The following BAZ1A variants were observed in gnomAD, a reference collection of about 807,000 sequenced individuals.
BAZ1A encodes the protein bromodomain adjacent to zinc finger domain 1A, also known as bromodomain adjacent to zinc finger domain protein 1A.
BAZ1A carries 50 observed loss-of-function variants against 185.2 expected under a neutral mutation model. The observed-to-expected ratio is 0.27, with a 90% CI of 0.22 to 0.34. The LOEUF is 0.34. Among genes scored for constraint, BAZ1A ranks in the 10% least tolerant of loss-of-function variants. The pLI is 1.00. For synonymous variants in BAZ1A, 571 were observed against 615.6 expected (o/e 0.93, Z 1.07); for missense variants, 1,356 against 1,839.9 (o/e 0.74, Z 4.81).
At chr14:34,758,141 G>A (rs914739044) in intron 25 of BAZ1A, among the ~76,000 whole-genome samples, 10 of 150,788 alleles carry the variant, frequency 6.6e-5, no homozygotes, top group Non-Finnish European at 1.3e-4. Context: ...AAAACAGCTG[G>A]ACCTGGTGGC....
chr14:34,787,467 T>C (rs1452851566), intron 12 of BAZ1A, among the ~76,000 whole-genome samples: 1 of 151,180 alleles, frequency 6.6e-6, no homozygotes, highest in Non-Finnish European at 1.5e-5. Flanking sequence ...GGCAGATCAC[T>C]TGAGGTCAGA....
intron 3 of BAZ1A, among the ~76,000 whole-genome samples, chr14:34,853,304 A>C (rs1165992341): frequency 6.6e-6 from 1 of 152,222 alleles, no homozygotes; most frequent in Non-Finnish European, 1.5e-5. Flanking sequence ...TTGAACAACT[A>C]AATAATAACT....
In BAZ1A at chr14:34,795,687, C is replaced by G; in HGVS notation, c.1207G>C (p.Glu403Gln). ...GTTTATACCTTAAGGTCATCACATT[C>G]CATATCTTCTCTAGGTTTACTCCAC... ...KQWSKPREDM[E>Q]CDDLKELPEP... The change falls in exon 10 of 27, where the codon GAA becomes CAA. Residue 403 changes from glutamate (E) to glutamine (Q), a missense_variant. Glu to Gln is a conservative substitution (Grantham distance 29, BLOSUM62 2). Coordinates refer to ENST00000360310, the MANE Select transcript of BAZ1A (RefSeq NM_013448.3). The G allele has an allele frequency of 6.2e-7, 1 of 1,611,614 alleles. No individual in the cohort carries two copies. The highest frequency in any genetic ancestry group is 8.5e-7 in the Non-Finnish European group (1 of 1,178,894).
intron 4 of BAZ1A, among the ~76,000 whole-genome samples, chr14:34,820,434 C>G (rs1476741644): frequency 2.0e-5 from 3 of 152,112 alleles, no homozygotes; most frequent in Non-Finnish European, 4.4e-5. Context: ...GCCCAGCCCT[C>G]ATTGTCTTAA....
intron 5 of BAZ1A, among the ~76,000 whole-genome samples, chr14:34,810,094 T>A (rs531017256): frequency 6.6e-6 from 1 of 152,152 alleles, no homozygotes; most frequent in Non-Finnish European, 1.5e-5. Flanking sequence ...TTAATACTTA[T>A]ATTATTATCA....
chr14:34,810,841 C>G lies in BAZ1A; in HGVS notation c.638+94G>C, dbSNP rs925881024. On this transcript the variant is annotated intron_variant, in intron 5 of 26. Transcript: ENST00000360310. ...TTATTTTTAAGAAGGAAAGCAATCA[C>G]AGTACTTCCCATTTGTTCTACATCA... is the stretch of plus-strand genomic sequence containing the variant. 4.8e-6 allele frequency: 4 copies of G among 831,028 alleles called. No homozygotes were observed. In the African/African-American group the frequency reaches 5.2e-5, roughly 11 times the overall value. 51.5% of individuals were successfully genotyped at this position (831,028 alleles called of 1,614,324 possible).
chr14:34,833,921 TGAGAA>T (rs1326668508), intron 3 of BAZ1A, among the ~76,000 whole-genome samples: 8 of 152,264 alleles, frequency 5.3e-5, no homozygotes, highest in African/African-American at 1.9e-4. Flanking sequence ...GAGAAAAGCT[TGAGAA>T]GAGGCTCAAT....
At chr14:34,819,096 A>C (rs1179409929) in intron 4 of BAZ1A, among the ~76,000 whole-genome samples, 1 of 142,398 alleles carries the variant, frequency 7.0e-6, no homozygotes, top group East Asian at 2.2e-4. Flanking sequence ...AGCTGAGATC[A>C]CGCCACTGCA....
chr14:34,820,971 G>GT (rs1357693431), intron 4 of BAZ1A, among the ~76,000 whole-genome samples: 1 of 94,158 alleles, frequency 1.1e-5, no homozygotes, highest in Non-Finnish European at 2.7e-5. Flanking sequence ...TAGTTTCAGA[G>GT]TAAGTCTTGA....
intron 2 of BAZ1A, among the ~76,000 whole-genome samples, chr14:34,869,007 C>T (rs1001869032): frequency 6.7e-6 from 1 of 150,186 alleles, no homozygotes; most frequent in Admixed American, 6.7e-5. Context: ...GAGATCGAGA[C>T]CATCCTGGCT....
chr14:34,766,774 G>A (rs1376506547), intron 21 of BAZ1A, among the ~76,000 whole-genome samples: 1 of 152,168 alleles, frequency 6.6e-6, no homozygotes, highest in African/African-American at 2.4e-5. Context: ...AATTCTCTCT[G>A]AAAAGATTTT....
At chr14:34,822,301 C>A (rs535041107) in intron 4 of BAZ1A, among the ~76,000 whole-genome samples, 2 of 150,040 alleles carry the variant, frequency 1.3e-5, no homozygotes, top group Admixed American at 1.3e-4. Context: ...CTCAAAAAAA[C>A]AAAACAAAAC....
At chr14:34,861,236 T>C (rs2042764466) in intron 3 of BAZ1A, among the ~76,000 whole-genome samples, 1 of 152,168 alleles carries the variant, frequency 6.6e-6, no homozygotes, top group South Asian at 2.1e-4. Context: ...TTTTAATGCA[T>C]ATAAAGTTTA....
chr14:34,778,644 G>T (rs1316307422), intron 17 of BAZ1A, among the ~76,000 whole-genome samples: 1 of 151,948 alleles, frequency 6.6e-6, no homozygotes, highest in Admixed American at 6.6e-5. Flanking sequence ...TATTTTCTAG[G>T]ATTTTATTTT....
At chr14:34,844,254 C>T (rs968649808) in intron 3 of BAZ1A, among the ~76,000 whole-genome samples, 8 of 148,602 alleles carry the variant, frequency 5.4e-5, no homozygotes, top group Non-Finnish European at 7.4e-5. Context: ...ACACTTATTA[C>T]CTGAAAAACA....
chr14:34,832,598 A>G (rs997738373), intron 3 of BAZ1A, among the ~76,000 whole-genome samples: 2 of 152,158 alleles, frequency 1.3e-5, no homozygotes, highest in African/African-American at 2.4e-5. Flanking sequence ...TCAAAACCAC[A>G]ATGAGATACG....
At chr14:34,759,185 T>TTTTTTTTTTTTG (rs1886412046) in intron 24 of BAZ1A, among the ~76,000 whole-genome samples, 2 of 116,862 alleles carry the variant, frequency 1.7e-5, no homozygotes, top group Admixed American at 9.1e-5. Context: ...TTTTTTTTTT[T>TTTTTTTTTTTTG]TTTTTTTTTT....
intron 3 of BAZ1A, among the ~76,000 whole-genome samples, chr14:34,831,795 T>G (rs905187079): frequency 1.3e-5 from 2 of 152,208 alleles, no homozygotes; most frequent in African/African-American, 4.8e-5. Context: ...TTGGTCCTTT[T>G]CAAGCTGCTC....
At chr14:34,810,846 C>G (rs755938543) in intron 5 of BAZ1A, 89 bp downstream of exon 5, 5 of 872,998 alleles carry the variant, frequency 5.7e-6, no homozygotes, top group African/African-American at 1.7e-5. Flanking sequence ...AATCACAGTA[C>G]TTCCCATTTG....
Sources: allele counts gnomAD v4.1 joint callset (sites outside exome capture counted in the v4.1 genomes callset), GRCh38; gene constraint gnomAD v4.1.1; transcripts MANE v1.5; gene names NCBI Gene and HGNC (gene_info 2026-07-23, HGNC 2026-07-21).